Variants in ALLC observed in about 807,000 individuals in gnomAD.
ALLC encodes allantoicase, also known as probable inactive allantoicase.
Under a neutral mutation model 45.0 loss-of-function variants are expected in ALLC, and 40 were observed. The ratio of observed to expected loss-of-function variants is 0.89; its 90% CI spans 0.69 to 1.16. The LOEUF (loss-of-function observed/expected upper bound fraction) is 1.16. ALLC is among the 50% of genes most tolerant of loss of function. The probability of loss-of-function intolerance (pLI) is 0.00; values close to 1 mark genes in which losing one functional copy is unlikely to be tolerated. For missense variants in ALLC, 488 were observed against 493.1 expected, an observed-to-expected ratio of 0.99 and a Z score of 0.10; for synonymous variants, 176 against 178.1, an observed-to-expected ratio of 0.99 and a Z score of 0.09.
At chr2:3,696,567 T>G (rs1303671450) in intron 9 of ALLC, among the ~76,000 whole-genome samples, 1 of 152,188 alleles carries the variant, frequency 6.6e-6, no homozygotes, top group African/African-American at 2.4e-5. Context: ...GCTACGCCAA[T>G]GCATTTTTGG....
chr2:3,694,143 G>T (rs181610782), intron 7 of ALLC, among the ~76,000 whole-genome samples: 23 of 152,286 alleles, frequency 1.5e-4, no homozygotes, highest in African/African-American at 5.3e-4. Flanking sequence ...CAGGATTCAC[G>T]AGTTGAGGGA....
chr2:3,696,287 C>T lies in ALLC; in HGVS notation c.680C>T (p.Ala227Val). The change falls in exon 9 of 12, where the codon GCA becomes GTA. Residue 227 changes from alanine (A) to valine (V), a missense_variant. By Grantham distance (64) the Ala-to-Val change is moderately conservative. Coordinates refer to ENST00000252505, the MANE Select transcript of ALLC (RefSeq NM_018436.4). Reference sequence around the variant, plus strand: ...TTATTTTCTGTAGGAGTTGGCGGGGCAAAGTCTATGGCGGATGGTTGGGAA... The same window carrying T: ...TTATTTTCTGTAGGAGTTGGCGGGGTAAAGTCTATGGCGGATGGTTGGGAA... ...HPNNIIGVGG[A>V]KSMADGWETA... 2 of 1,612,856 alleles carry T rather than the reference C, an allele frequency of 1.2e-6. No individual in the cohort carries two copies. The highest frequency in any genetic ancestry group is 1.7e-6 in the Non-Finnish European group (2 of 1,179,402).
chr2:3,682,911 C>A, intron 6 of ALLC, 31 bp from the exon 7 acceptor site: 1 of 1,609,458 alleles, frequency 6.2e-7, no homozygotes, highest in Non-Finnish European at 8.5e-7. Context: ...TTTTCAAGAG[C>A]AATTGCTGAC....
chr2:3,697,713 T>G (rs915181845), intron 10 of ALLC, among the ~76,000 whole-genome samples: 9 of 152,100 alleles, frequency 5.9e-5, no homozygotes, highest in African/African-American at 2.2e-4. Flanking sequence ...TCGCCCAGCC[T>G]GGAGTGCAGT....
chr2:3,669,480 A>C (rs1378176070), intron 1 of ALLC, among the ~76,000 whole-genome samples: 1 of 150,244 alleles, frequency 6.7e-6, no homozygotes, highest in African/African-American at 2.5e-5. Flanking sequence ...TCTCAAAAAA[A>C]ACCCTCCCAA....
chr2:3,700,940 C>T (rs1015279235), intron 10 of ALLC, among the ~76,000 whole-genome samples: 3 of 152,102 alleles, frequency 2.0e-5, no homozygotes, highest in Non-Finnish European at 4.4e-5. Flanking sequence ...CCTCAAGGTC[C>T]TCTAACCCCA....
At chr2:3,657,985 C>G (rs191468102), upstream of ALLC, among the ~76,000 whole-genome samples, 3 of 152,364 alleles carry the variant, frequency 2.0e-5, no homozygotes, top group East Asian at 3.9e-4. Context: ...AGGCCAGTGG[C>G]CGGAGGCAGC....
At chr2:3,686,065 C>T (rs13424915) in intron 7 of ALLC, among the ~76,000 whole-genome samples, 1,565 of 151,094 alleles carry the variant, frequency 0.01, 52 homozygotes, top group African/African-American at 0.03. Flanking sequence ...AGACCAATGT[C>T]CTAGAGCATT....
In ALLC at chr2:3,679,887, T is replaced by C; in HGVS notation, c.191T>C (p.Leu64Pro). The stretch of plus-strand genomic sequence containing the variant: ...TGCGCAGGTCACGACTGGTGTGTCC[T>C]CAGGCTGGGGATCCAAGGAGTCATC... ...KRIPGHDWCV[L>P]RLGIQGVIRG... Residue 64 changes from leucine (L) to proline (P), a missense_variant, in exon 5 of 12, where the codon CTC (leucine) becomes CCC (proline). Coordinates refer to ENST00000252505, the MANE Select transcript of ALLC (RefSeq NM_018436.4). 2 of 1,613,978 alleles carry C rather than the reference T, an allele frequency of 1.2e-6. No homozygotes were observed. Among genetic ancestry groups the C allele is most frequent in the Non-Finnish European group, 1.7e-6 (2 of 1,179,900 alleles).
At chr2:3,659,780 T>C (rs1666525512) in intron 1 of ALLC, among the ~76,000 whole-genome samples, 1 of 152,164 alleles carries the variant, frequency 6.6e-6, no homozygotes, top group Admixed American at 6.5e-5. Flanking sequence ...CTGCCTGGAA[T>C]CTCTCGGGAA....
chr2:3,662,336 A>C (rs951255657), intron 1 of ALLC, among the ~76,000 whole-genome samples: 1 of 152,170 alleles, frequency 6.6e-6, no homozygotes, highest in Non-Finnish European at 1.5e-5. Context: ...ATTCTGGAGC[A>C]CACCCTGCTC....
At chr2:3,649,243 CTTTT>C in the ALLC span, among the ~76,000 whole-genome samples, 2 of 140,484 alleles carry the variant, frequency 1.4e-5, no homozygotes, top group Non-Finnish European at 3.1e-5. Context: ...CCAAACACTT[CTTTT>C]TTTTTTTTTT....
chr2:3,657,548 A>G (rs977946963), upstream of ALLC, among the ~76,000 whole-genome samples: 17 of 152,166 alleles, frequency 1.1e-4, no homozygotes, highest in African/African-American at 4.1e-4. Context: ...TGCAGAGTGG[A>G]TAGCTTGCCC....
At chr2:3,666,269 G>C (rs2147994296) in intron 1 of ALLC, among the ~76,000 whole-genome samples, 1 of 152,346 alleles carries the variant, frequency 6.6e-6, no homozygotes, top group South Asian at 2.1e-4. Context: ...TGAGCTTGCT[G>C]GAGCTGATGG....
At position 3,680,297 on chromosome 2, in the gene ALLC, C is replaced by T. The variant is rs930894753; in HGVS notation, c.298+303C>T. ...CGTGGGTGAGCAGGTTGCTGGTGGG[C>T]GGGAGGGAGTGGTTTGTGCCTCAGA... On this transcript the variant is annotated intron_variant, in intron 5 of 11. Coordinates refer to ENST00000252505, the MANE Select transcript of ALLC (RefSeq NM_018436.4). The surrounding 1 kb of genome is among the most constrained non-coding windows in gnomAD (Gnocchi z 4.0). 3.9e-5 allele frequency among the ~76,000 whole-genome samples: 6 copies of T among 151,944 alleles called. No individual in the cohort carries two copies. Among genetic ancestry groups the T allele is most frequent in the African/African-American group, 1.2e-4 (5 of 41,286 alleles).
chr2:3,679,794 G>A, intron 4 of ALLC, 75 bp from the exon 5 acceptor site: 2 of 1,593,560 alleles, frequency 1.3e-6, no homozygotes, highest in Admixed American at 1.7e-5. Context: ...AGGTGCATGT[G>A]GGGTGCACTG....
intron 7 of ALLC, chr2:3,694,759 T>C (rs1419064083): frequency 6.6e-6 from 1 of 152,206 alleles, no homozygotes; most frequent in Non-Finnish European, 1.5e-5. Context: ...AATTTTCAGA[T>C]CACTCATTTT....
chr2:3,702,040 G>T (rs989887381), intron 11 of ALLC, among the ~76,000 whole-genome samples: 1 of 152,084 alleles, frequency 6.6e-6, no homozygotes, highest in African/African-American at 2.4e-5. Context: ...GTAAAGATAG[G>T]AAATAATCTC....
At chr2:3,686,824 T>C (rs976449633) in intron 7 of ALLC, among the ~76,000 whole-genome samples, 1 of 151,132 alleles carries the variant, frequency 6.6e-6, no homozygotes, top group Non-Finnish European at 1.5e-5. Context: ...AGTTTATCAG[T>C]TCTAATAGTT....
Sources: allele counts gnomAD v4.1 joint callset (sites outside exome capture counted in the v4.1 genomes callset), GRCh38; gene constraint gnomAD v4.1.1; non-coding constraint Gnocchi (gnomAD v3.1); transcripts MANE v1.5; gene names NCBI Gene and HGNC (gene_info 2026-07-23, HGNC 2026-07-21).